LYPLAL1: variants seen among roughly 807,000 people sequenced by gnomAD.
The protein encoded by LYPLAL1 is lysophospholipase-like protein 1.
In LYPLAL1, 23 loss-of-function variants were observed where a neutral mutation model predicts 19.7. The observed-to-expected ratio is 1.17, with a 90% CI of 0.84 to 1.65. LYPLAL1 has a LOEUF of 1.65. Among genes scored for constraint, LYPLAL1 ranks in the 40% most tolerant of loss-of-function variants. The probability of loss-of-function intolerance (pLI) is 0.00; values close to 1 mark genes in which losing one functional copy is unlikely to be tolerated. For missense variants in LYPLAL1, 355 were observed against 279.4 expected, an observed-to-expected ratio of 1.27 and a Z score of -1.93; for synonymous variants, 119 against 96.3, an observed-to-expected ratio of 1.24 and a Z score of -1.38.
chr1:219,408,850 A>G, the LYPLAL1 span, among the ~76,000 whole-genome samples: 2 of 152,220 alleles, frequency 1.3e-5, no homozygotes, highest in Non-Finnish European at 2.9e-5. Context: ...CTTAGGGAAT[A>G]ATGGGAAATA....
intron 2 of LYPLAL1, among the ~76,000 whole-genome samples, chr1:219,184,625 T>C (rs1656575449): frequency 6.6e-6 from 1 of 151,912 alleles, no homozygotes. Context: ...TGAGGACATT[T>C]CTTTGCCTAA....
chr1:219,320,413 CA>C, the LYPLAL1 span, among the ~76,000 whole-genome samples: 3 of 152,094 alleles, frequency 2.0e-5, no homozygotes, highest in Admixed American at 6.5e-5. Context: ...ATCACCCAAG[CA>C]AACAGTAAGA....
At chr1:219,278,531 G>A in the LYPLAL1 span, among the ~76,000 whole-genome samples, 1 of 152,188 alleles carries the variant, frequency 6.6e-6, no homozygotes, top group Non-Finnish European at 1.5e-5. Context: ...CAGCTCATAA[G>A]TGATGGGGCT....
chr1:219,440,012 TACACACAC>T, the LYPLAL1 span, among the ~76,000 whole-genome samples: 9 of 100,882 alleles, frequency 8.9e-5, no homozygotes, highest in African/African-American at 3.1e-4. Flanking sequence ...TATATATATA[TACACACAC>T]ACACATATAT....
At chr1:219,300,812 G>A in the LYPLAL1 span, among the ~76,000 whole-genome samples, 2 of 152,078 alleles carry the variant, frequency 1.3e-5, no homozygotes, top group Non-Finnish European at 2.9e-5. Flanking sequence ...TGGGATTACA[G>A]GAGTGAGCCA....
At chr1:219,264,004 T>A in the LYPLAL1 span, among the ~76,000 whole-genome samples, 1 of 152,214 alleles carries the variant, frequency 6.6e-6, no homozygotes, top group Non-Finnish European at 1.5e-5. Context: ...CTTCACATGC[T>A]GTCCTGTCTG....
the LYPLAL1 span, among the ~76,000 whole-genome samples, chr1:219,255,032 C>A: frequency 4.0e-5 from 6 of 151,864 alleles, no homozygotes; most frequent in African/African-American, 9.6e-5. Context: ...ATTCTGAGTT[C>A]TTTTCCTCAG....
intron 2 of LYPLAL1, among the ~76,000 whole-genome samples, chr1:219,180,365 A>T (rs1451010140): frequency 6.6e-6 from 1 of 152,212 alleles, no homozygotes; most frequent in Non-Finnish European, 1.5e-5. Flanking sequence ...TTAAGGAGAA[A>T]TAAAACCAGA....
At chr1:219,364,507 TTTTCG>T in the LYPLAL1 span, among the ~76,000 whole-genome samples, 10,302 of 152,156 alleles carry the variant, frequency 0.068, 502 homozygotes, top group South Asian at 0.14. Context: ...TCCCCACTCT[TTTTCG>T]CATCTTGTTG....
rs1655569535 is a variant in LYPLAL1, at chr1:219,173,884, A to ATCAGC, written c.-6_-2dup. 1 of 1,611,870 alleles carries ATCAGC rather than the reference A, an allele frequency of 6.2e-7. No individual in the cohort carries two copies. The highest frequency in any genetic ancestry group is 1.1e-5 in the South Asian group (1 of 91,084). On this transcript the variant is annotated 5_prime_UTR_variant, in exon 1 of 5. Transcript: ENST00000366928. ...GCGGAACCGCATGACTGGCAGTGGC[A>ATCAGC]TCAGCGATGGCGGCTGCGTCGGGGT...
chr1:219,231,825 T>C, the LYPLAL1 span, among the ~76,000 whole-genome samples: 3 of 152,358 alleles, frequency 2.0e-5, no homozygotes, highest in South Asian at 6.2e-4. Flanking sequence ...CAACTCTATA[T>C]ATGTTCTCAT....
chr1:219,301,185 A>G, the LYPLAL1 span, among the ~76,000 whole-genome samples: 2 of 137,634 alleles, frequency 1.5e-5, no homozygotes, highest in South Asian at 4.5e-4. Context: ...ATTACATTAC[A>G]TAAATCTACT....
chr1:219,315,844 G>A, the LYPLAL1 span, among the ~76,000 whole-genome samples: 1 of 152,022 alleles, frequency 6.6e-6, no homozygotes, highest in Non-Finnish European at 1.5e-5. Flanking sequence ...AAAAACTTAG[G>A]GATGGGCAGT....
At chr1:219,245,175 CCCTTCCTT>C in the LYPLAL1 span, among the ~76,000 whole-genome samples, 8,690 of 132,440 alleles carry the variant, frequency 0.066, 350 homozygotes, top group East Asian at 0.17. Context: ...CCTCTTCCAT[CCCTTCCTT>C]CCTTCCTTCC....
At chr1:219,419,588 C>CAGAGAGAG in the LYPLAL1 span, among the ~76,000 whole-genome samples, 39 of 75,958 alleles carry the variant, frequency 5.1e-4, no homozygotes, top group African/African-American at 1.5e-3. Flanking sequence ...CACACACACA[C>CAGAGAGAG]ACACACAGAG....
chr1:219,241,352 C>T, the LYPLAL1 span, among the ~76,000 whole-genome samples: 36,375 of 150,752 alleles, frequency 0.24, 4,575 homozygotes, highest in Non-Finnish European at 0.29. Flanking sequence ...ATTGACACTG[C>T]GAGAAGTTTG....
chr1:219,260,004 C>A, the LYPLAL1 span, among the ~76,000 whole-genome samples: 2 of 151,890 alleles, frequency 1.3e-5, no homozygotes, highest in African/African-American at 2.4e-5. Context: ...AGAAAGTGTT[C>A]TGCAAATTTA....
the LYPLAL1 span, among the ~76,000 whole-genome samples, chr1:219,352,451 G>C: frequency 3.9e-5 from 6 of 152,180 alleles, no homozygotes; most frequent in African/African-American, 1.4e-4. Flanking sequence ...CCGGGAGGTG[G>C]AGCTTGCAGT....
At chr1:219,438,065 C>T in the LYPLAL1 span, among the ~76,000 whole-genome samples, 1 of 152,192 alleles carries the variant, frequency 6.6e-6, no homozygotes, top group Non-Finnish European at 1.5e-5. Context: ...CCACACCCAG[C>T]CCTATTTGTC....
Sources: gnomAD v4.1 joint callset for allele counts (sites outside exome capture counted in the v4.1 genomes callset) on GRCh38, gnomAD v4.1.1 for gene constraint, MANE v1.5 for transcripts, NCBI Gene and HGNC (gene_info 2026-07-23, HGNC 2026-07-21) for gene names.